The following ELP4 variants were observed in gnomAD, a reference collection of about 807,000 sequenced individuals.
ELP4 encodes the protein elongator complex protein 4.
In ELP4, 51 loss-of-function variants were observed where a neutral mutation model predicts 48.9. The observed-to-expected ratio is 1.04, with a 90% CI of 0.83 to 1.32. ELP4 has a LOEUF of 1.32. Ranked by LOEUF, ELP4 falls within the 40% of genes most tolerant of loss-of-function variation. The pLI, the probability that ELP4 is intolerant of heterozygous loss-of-function variation, is 0.00. For missense variants in ELP4, 519 were observed against 514.6 expected, an observed-to-expected ratio of 1.01 and a Z score of -0.08; for synonymous variants, 210 against 189.2, an observed-to-expected ratio of 1.11 and a Z score of -0.90.
chr11:31,732,125 A>T (rs759913833), intron 9 of ELP4, among the ~76,000 whole-genome samples: 5 of 152,208 alleles, frequency 3.3e-5, no homozygotes, highest in Non-Finnish European at 7.3e-5. Context: ...AAGCTTGCTG[A>T]TAAAGGTAAA....
intron 5 of ELP4, among the ~76,000 whole-genome samples, chr11:31,619,189 G>A (rs917559867): frequency 6.6e-6 from 1 of 151,950 alleles, no homozygotes. Flanking sequence ...CAGTAGAAAA[G>A]GAGAAGTTAA....
chr11:31,571,076 G>T (rs935175208), intron 3 of ELP4, among the ~76,000 whole-genome samples: 3 of 152,088 alleles, frequency 2.0e-5, no homozygotes, highest in Admixed American at 2.0e-4. Context: ...GGGATTTCAG[G>T]CGTAAGCCAC....
chr11:31,758,265 A>C (rs1041724876), intron 9 of ELP4, among the ~76,000 whole-genome samples: 1 of 152,194 alleles, frequency 6.6e-6, no homozygotes, highest in African/African-American at 2.4e-5. Context: ...CCACTAGGTA[A>C]ATTCCTCGAG....
intron 9 of ELP4, among the ~76,000 whole-genome samples, chr11:31,676,141 T>A (rs1442964185): frequency 6.6e-6 from 1 of 152,136 alleles, no homozygotes; most frequent in African/African-American, 2.4e-5. Flanking sequence ...TTGCTCCATT[T>A]TAGCCACACT....
intron 3 of ELP4, among the ~76,000 whole-genome samples, chr11:31,576,009 A>G (rs549789325): frequency 6.6e-6 from 1 of 152,358 alleles, no homozygotes; most frequent in Admixed American, 6.5e-5. Flanking sequence ...TTGGATAAAG[A>G]GTCAAGACCC....
chr11:31,568,673 T>C (rs1011519053), intron 3 of ELP4, among the ~76,000 whole-genome samples: 1 of 152,048 alleles, frequency 6.6e-6, no homozygotes, highest in East Asian at 1.9e-4. Flanking sequence ...AAGTAAGCAA[T>C]GAGGAAAGGA....
At chr11:31,706,371 TATAATCCCAACACTTTTGAGAGGCCA>T (rs1946632322) in intron 9 of ELP4, among the ~76,000 whole-genome samples, 1 of 151,708 alleles carries the variant, frequency 6.6e-6, no homozygotes, top group South Asian at 2.1e-4. Context: ...GGCTCATGCC[TATAATCCCAACACTTTTGAGAGGCCA>T]AGGTGGGAAG....
chr11:31,556,545 G>T (rs1956932909), intron 3 of ELP4, among the ~76,000 whole-genome samples: 1 of 151,752 alleles, frequency 6.6e-6, no homozygotes, highest in South Asian at 2.1e-4. Flanking sequence ...TTATGTGTTA[G>T]TATTTTTAGA....
intron 3 of ELP4, among the ~76,000 whole-genome samples, chr11:31,563,435 T>C (rs1232882176): frequency 1.3e-5 from 2 of 152,036 alleles, no homozygotes; most frequent in African/African-American, 4.8e-5. Flanking sequence ...CAAAATAATA[T>C]AGCAGTAAGA....
chr11:31,721,183 T>A (rs1271204971), intron 9 of ELP4, among the ~76,000 whole-genome samples: 1 of 152,198 alleles, frequency 6.6e-6, no homozygotes, highest in Non-Finnish European at 1.5e-5. Context: ...GATGTACTTT[T>A]GAGCTAGTAT....
intron 3 of ELP4, among the ~76,000 whole-genome samples, chr11:31,544,819 A>G (rs953852646): frequency 5.3e-5 from 8 of 152,160 alleles, no homozygotes; most frequent in Non-Finnish European, 8.8e-5. Context: ...CAGAGGAACG[A>G]TCAGACAGCA....
At chr11:31,556,596 G>A (rs1403495916) in intron 3 of ELP4, among the ~76,000 whole-genome samples, 1 of 151,798 alleles carries the variant, frequency 6.6e-6, no homozygotes, top group Admixed American at 6.6e-5. Flanking sequence ...AAATTTAAAT[G>A]CTGTTTCATA....
intron 9 of ELP4, among the ~76,000 whole-genome samples, chr11:31,713,011 T>C (rs893850982): frequency 2.0e-5 from 3 of 152,176 alleles, no homozygotes; most frequent in Admixed American, 6.5e-5. Context: ...ACATTGCTTT[T>C]GTTTGTTTTC....
At chr11:31,541,015 G>T (rs942098827) in intron 3 of ELP4, among the ~76,000 whole-genome samples, 3 of 152,092 alleles carry the variant, frequency 2.0e-5, no homozygotes, top group Non-Finnish European at 2.9e-5. Context: ...CCTAATTTAA[G>T]ACATTATTTG....
intron 7 of ELP4, among the ~76,000 whole-genome samples, chr11:31,642,764 C>T (rs529955068): frequency 2.0e-4 from 31 of 151,798 alleles, no homozygotes; most frequent in Non-Finnish European, 3.5e-4. Context: ...GAATTATTTT[C>T]CCACTATCAA....
At chr11:31,778,263 C>T (rs1221090166) in intron 9 of ELP4, among the ~76,000 whole-genome samples, 4 of 152,298 alleles carry the variant, frequency 2.6e-5, no homozygotes, top group Admixed American at 2.6e-4. Flanking sequence ...CTACCTTACT[C>T]AGTATGAGGG....
intron 9 of ELP4, chr11:31,651,792 T>A (rs1053263126): frequency 2.0e-5 from 3 of 151,690 alleles, no homozygotes; most frequent in Admixed American, 6.6e-5. Flanking sequence ...CCATACAAAC[T>A]AAGCAAGATG....
In ELP4 at chr11:31,749,575, AT is replaced by A. The variant is rs200546740; in HGVS notation, c.1144-33816del. Among the ~76,000 whole-genome samples, 343 of 152,312 alleles carry A rather than the reference AT, an allele frequency of 2.3e-3. 2 individuals carry two copies. Among genetic ancestry groups the A allele is most frequent in the African/African-American group, 8.0e-3 (334 of 41,580 alleles). ...TTAACCAATGATCTTTAAAACATCGATTATTTAACTTCTATGTATACTATAT... is the reference window on the plus strand; with the variant it reads ...TTAACCAATGATCTTTAAAACATCGATATTTAACTTCTATGTATACTATAT... On this transcript the variant is annotated intron_variant, in intron 9 of 9. Transcript: ENST00000640961.
chr11:31,554,008 C>T (rs1292986066), intron 3 of ELP4, among the ~76,000 whole-genome samples: 1 of 152,160 alleles, frequency 6.6e-6, no homozygotes, highest in East Asian at 1.9e-4. Context: ...GGAGCATGAA[C>T]CCTATTGTGA....
Sources: allele counts gnomAD v4.1 joint callset (sites outside exome capture counted in the v4.1 genomes callset), GRCh38; gene constraint gnomAD v4.1.1; transcripts MANE v1.5; gene names NCBI Gene and HGNC (gene_info 2026-07-23, HGNC 2026-07-21).